The following NTNG1 variants were observed in gnomAD, a reference collection of about 807,000 sequenced individuals.
NTNG1 encodes the protein netrin-G1.
Under a neutral mutation model 54.0 loss-of-function variants are expected in NTNG1, and 16 were observed. The observed-to-expected ratio is 0.30, with a 90% confidence interval of 0.20 to 0.45. The LOEUF is 0.45. Among genes scored for constraint, NTNG1 ranks in the 20% least tolerant of loss-of-function variants. The pLI is 1.00. For synonymous variants in NTNG1, 255 were observed against 263.1 expected, an observed-to-expected ratio of 0.97 and a Z score of 0.30; for missense variants, 530 against 678.7, an observed-to-expected ratio of 0.78 and a Z score of 2.43.
At chr1:107,371,090 A>C (rs1339422927) in intron 3 of NTNG1, among the ~76,000 whole-genome samples, 1 of 152,074 alleles carries the variant, frequency 6.6e-6, no homozygotes, top group Non-Finnish European at 1.5e-5. Context: ...CCATTAAGTG[A>C]AATGTTAAAT....
chr1:107,189,749 C>A (rs1362815824), intron 2 of NTNG1, among the ~76,000 whole-genome samples: 19 of 150,726 alleles, frequency 1.3e-4, no homozygotes, highest in African/African-American at 4.4e-4. Context: ...CTAAACACAT[C>A]TAAAAACAGA....
chr1:107,329,800 C>G (rs372584469), intron 3 of NTNG1, among the ~76,000 whole-genome samples: 1 of 151,970 alleles, frequency 6.6e-6, no homozygotes, highest in East Asian at 1.9e-4. Context: ...TACTCTGGGA[C>G]AGATGCTGGC....
At chr1:107,176,675 G>A (rs4556390) in intron 2 of NTNG1, among the ~76,000 whole-genome samples, 118,296 of 152,084 alleles carry the variant, frequency 0.78, 46,609 homozygotes, top group Middle Eastern at 0.87. Context: ...AACGGAATGT[G>A]ATTTTTTACA....
intron 2 of NTNG1, among the ~76,000 whole-genome samples, chr1:107,158,670 C>A (rs1368339903): frequency 1.3e-5 from 2 of 152,094 alleles, no homozygotes; most frequent in African/African-American, 4.8e-5. Context: ...AAGTACACTT[C>A]CAGACAATTT....
intron 3 of NTNG1, among the ~76,000 whole-genome samples, chr1:107,391,445 T>G (rs1672355626): frequency 6.6e-6 from 1 of 152,218 alleles, no homozygotes; most frequent in Admixed American, 6.5e-5. Flanking sequence ...AGAAAGTGAT[T>G]GTTGCTAGAA....
At chr1:107,474,345 G>A (rs902214125) in intron 7 of NTNG1, among the ~76,000 whole-genome samples, 1 of 152,190 alleles carries the variant, frequency 6.6e-6, no homozygotes, top group South Asian at 2.1e-4. Flanking sequence ...TGTGATCACT[G>A]AAAGATGCCT....
chr1:107,247,674 A>G (rs761164606), intron 2 of NTNG1, among the ~76,000 whole-genome samples: 2 of 152,200 alleles, frequency 1.3e-5, no homozygotes, highest in African/African-American at 4.8e-5. Context: ...TCAAACTTGT[A>G]ATGCCAACCA....
chr1:107,340,585 C>T (rs1269900912), intron 3 of NTNG1, among the ~76,000 whole-genome samples: 1 of 152,008 alleles, frequency 6.6e-6, no homozygotes, highest in African/African-American at 2.4e-5. Flanking sequence ...GATTTTTCTA[C>T]CAACAAAAAC....
intron 7 of NTNG1, among the ~76,000 whole-genome samples, chr1:107,442,862 A>G (rs1418622892): frequency 2.0e-5 from 3 of 152,210 alleles, no homozygotes; most frequent in East Asian, 3.9e-4. Flanking sequence ...GAGGGCTAAC[A>G]AGTAGACATG....
At chr1:107,167,574 A>C (rs977720813) in intron 2 of NTNG1, among the ~76,000 whole-genome samples, 11 of 151,998 alleles carry the variant, frequency 7.2e-5, no homozygotes, top group African/African-American at 2.7e-4. Context: ...CTCATTTAAA[A>C]AATGAGGAAA....
At chr1:107,466,216 G>T in intron 7 of NTNG1, among the ~76,000 whole-genome samples, 1 of 152,200 alleles carries the variant, frequency 6.6e-6, no homozygotes, top group East Asian at 1.9e-4. Flanking sequence ...TAAACTCTTT[G>T]TGAGGAAGCC....
chr1:107,174,364 T>C (rs957810589), intron 2 of NTNG1, among the ~76,000 whole-genome samples: 2 of 152,184 alleles, frequency 1.3e-5, no homozygotes, highest in African/African-American at 4.8e-5. Flanking sequence ...GGCTGAATGT[T>C]TGCCCTTTAG....
At chr1:107,380,472 G>C (rs12724090) in intron 3 of NTNG1, among the ~76,000 whole-genome samples, 2 of 151,976 alleles carry the variant, frequency 1.3e-5, no homozygotes, top group African/African-American at 4.8e-5. Flanking sequence ...CTGTAAAATA[G>C]GGATAGTGAT....
chr1:107,453,440 G>A (rs559395135), intron 7 of NTNG1, among the ~76,000 whole-genome samples: 1 of 152,208 alleles, frequency 6.6e-6, no homozygotes, highest in African/African-American at 2.4e-5. Flanking sequence ...AGTTCACTGG[G>A]GATCTTTTCT....
At chr1:107,439,431 C>CCATCATA (rs1675821513) in intron 7 of NTNG1, among the ~76,000 whole-genome samples, 1 of 152,108 alleles carries the variant, frequency 6.6e-6, no homozygotes, top group African/African-American at 2.4e-5. Flanking sequence ...GAATCATCAT[C>CCATCATA]TGGAGAAGAT....
chr1:107,208,581 C>G (rs940249773), intron 2 of NTNG1, among the ~76,000 whole-genome samples: 6 of 152,168 alleles, frequency 3.9e-5, no homozygotes, highest in African/African-American at 1.4e-4. Context: ...TGAAGGAACT[C>G]TTTCGTTTTC....
chr1:107,225,141 A>G (rs938035421), intron 2 of NTNG1, among the ~76,000 whole-genome samples: 1 of 152,160 alleles, frequency 6.6e-6, no homozygotes, highest in Non-Finnish European at 1.5e-5. Flanking sequence ...AAAGATATTA[A>G]TTTGCCACAT....
intron 2 of NTNG1, among the ~76,000 whole-genome samples, chr1:107,300,904 G>T (rs561172141): frequency 6.6e-6 from 1 of 152,050 alleles, no homozygotes; most frequent in Non-Finnish European, 1.5e-5. Context: ...AACTTATTTC[G>T]AGAGAATTTT....
At chr1:107,293,988 A>C (rs1570605225) in intron 2 of NTNG1, among the ~76,000 whole-genome samples, 2 of 152,334 alleles carry the variant, frequency 1.3e-5, no homozygotes, top group South Asian at 4.1e-4. Context: ...AAGATAGATA[A>C]AGGATTCTGA....
Sources: allele counts gnomAD v4.1 joint callset (sites outside exome capture counted in the v4.1 genomes callset), GRCh38; gene constraint gnomAD v4.1.1; transcripts MANE v1.5; gene names NCBI Gene and HGNC (gene_info 2026-07-23, HGNC 2026-07-21).